DMD: variants seen among roughly 807,000 people sequenced by gnomAD.
The protein encoded by DMD is dystrophin.
A neutral mutation model predicts 330.1 loss-of-function variants in DMD; 63 were observed. That is an observed-to-expected ratio of 0.19 (90% CI 0.16 to 0.24). The LOEUF (loss-of-function observed/expected upper bound fraction) is 0.24. DMD is among the 10% of genes least tolerant of loss of function. DMD has a pLI of 1.00. For synonymous variants in DMD, 1,223 were observed against 959.8 expected (o/e 1.27, Z -5.07); for missense variants, 3,344 against 2,684.1 (o/e 1.25, Z -5.43).
chrX:33,131,903 A>T (rs1191063602), intron 1 of DMD, among the ~76,000 whole-genome samples: 1 of 112,339 alleles, frequency 8.9e-6, no homozygotes, highest in African/African-American at 3.2e-5. Context: ...GACATTTAAT[A>T]TATGCCCAGG....
chrX:31,774,575 T>A (rs1299192313), intron 50 of DMD, among the ~76,000 whole-genome samples: 1 of 103,604 alleles, frequency 9.7e-6, no homozygotes, highest in Admixed American at 1.0e-4. Flanking sequence ...ATTTTACTTA[T>A]TTTTTTTTTA....
intron 1 of DMD, among the ~76,000 whole-genome samples, chrX:33,022,552 A>T (rs1384026928): frequency 1.8e-5 from 2 of 110,388 alleles, no homozygotes; most frequent in East Asian, 5.6e-4. Context: ...AATAATTATT[A>T]ATACAATTAA....
rs187171077 is a variant in DMD, at chrX:33,177,261, G to A, written c.31+34021C>T. On this transcript the variant is annotated intron_variant, in intron 1 of 78. Coordinates refer to ENST00000357033, the MANE Select transcript of DMD (RefSeq NM_004006.3). ...CTGTGGGCAACAAGCACTCCCAGCAGCTAGGGGATGGGTGTGCTACCTGGT... is the reference window on the plus strand; with the variant it reads ...CTGTGGGCAACAAGCACTCCCAGCAACTAGGGGATGGGTGTGCTACCTGGT... 1.7e-3 allele frequency among the ~76,000 whole-genome samples: 194 copies of A among 112,637 alleles called. 2 individuals are homozygous for A. Among genetic ancestry groups the A allele is most frequent in the Admixed American group, 0.014 (149 of 10,718 alleles).
intron 2 of DMD, among the ~76,000 whole-genome samples, chrX:32,873,018 T>C (rs1218870467): frequency 3.6e-5 from 4 of 111,782 alleles, no homozygotes; most frequent in Non-Finnish European, 5.6e-5. Flanking sequence ...TCTCCTTCTC[T>C]CACTCACTGT....
intron 2 of DMD, among the ~76,000 whole-genome samples, chrX:33,010,474 A>C (rs760088344): frequency 2.7e-5 from 3 of 110,285 alleles, no homozygotes; most frequent in Admixed American, 2.0e-4. Flanking sequence ...GAGGGCTGAC[A>C]TGACACACAA....
At chrX:32,961,682 G>A (rs1172404152) in intron 2 of DMD, among the ~76,000 whole-genome samples, 1 of 111,330 alleles carries the variant, frequency 9.0e-6, no homozygotes, top group Middle Eastern at 4.2e-3. Flanking sequence ...TTATCACTGA[G>A]ATAATCTCAA....
At chrX:31,889,829 G>C (rs1443210305) in intron 47 of DMD, among the ~76,000 whole-genome samples, 2 of 110,009 alleles carry the variant, frequency 1.8e-5, no homozygotes, top group Admixed American at 9.8e-5. Flanking sequence ...AGAAATCTTT[G>C]ATCTTATTTG....
At chrX:32,556,940 A>G (rs1292397828) in intron 16 of DMD, among the ~76,000 whole-genome samples, 1 of 111,818 alleles carries the variant, frequency 8.9e-6, no homozygotes. Flanking sequence ...TTTTGCAAAT[A>G]CTAATACTTG....
chrX:32,249,311 C>T (rs1261697684), intron 43 of DMD, among the ~76,000 whole-genome samples: 1 of 111,747 alleles, frequency 8.9e-6, no homozygotes, highest in Admixed American at 9.6e-5. Context: ...TTCCTTAAAT[C>T]TAAATCTACT....
At chrX:31,451,093 A>G (rs1603011967) in intron 59 of DMD, among the ~76,000 whole-genome samples, 1 of 84,084 alleles carries the variant, frequency 1.2e-5, no homozygotes. Context: ...AAGCACTTAT[A>G]TTTTGTTTTT....
intron 11 of DMD, among the ~76,000 whole-genome samples, chrX:32,628,906 T>G (rs1036334665): frequency 9.8e-5 from 11 of 112,186 alleles, no homozygotes; most frequent in Non-Finnish European, 1.9e-4. Flanking sequence ...ATTTTTGAAT[T>G]TTCTAAGACT....
intron 30 of DMD, 65 bp downstream of exon 30, chrX:32,411,687 C>A (rs1375808960): frequency 1.8e-6 from 2 of 1,133,167 alleles, no homozygotes; most frequent in African/African-American, 1.8e-5. Flanking sequence ...AAGTTAGAAA[C>A]ACTGCAACAT....
At position 32,161,656 on chromosome X, in the gene DMD, T is replaced by C. The variant is rs139702591; in HGVS notation, c.6438+55260A>G. On this transcript the variant is annotated intron_variant, in intron 44 of 78. Coordinates refer to ENST00000357033, the MANE Select transcript of DMD (RefSeq NM_004006.3). ...AAATGCAAATTTATTTACATCACAG[T>C]AGTCACTAATATTTTTGAAAAGTTG... 5.6e-3 allele frequency among the ~76,000 whole-genome samples: 622 copies of C among 111,910 alleles called. 3 individuals carry two copies. The highest frequency in any genetic ancestry group is 8.7e-3 in the Non-Finnish European group (463 of 53,224).
At chrX:31,925,605 C>T (rs2094759699) in intron 47 of DMD, among the ~76,000 whole-genome samples, 1 of 111,436 alleles carries the variant, frequency 9.0e-6, no homozygotes, top group African/African-American at 3.3e-5. Flanking sequence ...GGTGCGGTGG[C>T]TCACGCCTGT....
At chrX:33,041,434 G>A (rs970932459) in intron 1 of DMD, 23 of 1,200,255 alleles carry the variant, frequency 1.9e-5, no homozygotes, top group Middle Eastern at 3.2e-4. Context: ...GATCAAGACC[G>A]GTGTGGTGAA....
intron 7 of DMD, among the ~76,000 whole-genome samples, chrX:32,806,302 A>G (rs762401689): frequency 9.0e-6 from 1 of 111,453 alleles, no homozygotes; most frequent in South Asian, 3.7e-4. Flanking sequence ...TTCTCTGATA[A>G]AATAGACTTT....
At chrX:31,555,571 C>T in intron 55 of DMD, among the ~76,000 whole-genome samples, 1 of 111,800 alleles carries the variant, frequency 8.9e-6, no homozygotes. Context: ...AAGTCTTCTG[C>T]CTGAGAATTA....
Position 31,968,518 on chromosome X carries a change from T to C in DMD, c.6439-4A>G, listed in dbSNP as rs1057523900. On this transcript the variant is annotated splice_polypyrimidine_tract_variant and splice_region_variant and intron_variant, in intron 44 of 78. Coordinates refer to ENST00000357033, the MANE Select transcript of DMD (RefSeq NM_004006.3). ...GCCCAATGCCATCCTGGAGTTCCTG[T>C]AAGATACCAAAAAGGCAAAACAAAA... is the stretch of plus-strand genomic sequence containing the variant. The C allele has an allele frequency of 9.1e-6, 11 of 1,208,253 alleles. No homozygotes were observed. Among genetic ancestry groups the C allele is most frequent in the Non-Finnish European group, 1.2e-5 (11 of 893,931 alleles).
rs2097271231 is a variant in DMD, at chrX:32,252,687, T to TATATATATAAATATATATAAAA, written c.6290+34841_6290+34842insTTTTATATATATTTATATATAT. 8.4e-5 allele frequency among the ~76,000 whole-genome samples: 3 copies of TATATATATAAATATATATAAAA among 35,520 alleles called. 1 individual carries two copies. In the South Asian group the frequency reaches 3.2e-3, roughly 38 times the overall value. 30.8% of individuals were successfully genotyped at this position (35,520 alleles called of 115,157 possible). ...AAATATATATATATAAATATATAAA[T>TATATATATAAATATATATAAAA]ATATATATAAATATATATAAATATA... is the stretch of plus-strand genomic sequence containing the variant. On this transcript the variant is annotated intron_variant, in intron 43 of 78. Coordinates refer to ENST00000357033, the MANE Select transcript of DMD (RefSeq NM_004006.3).
Sources: allele counts gnomAD v4.1 joint callset (sites outside exome capture counted in the v4.1 genomes callset), GRCh38; gene constraint gnomAD v4.1.1; transcripts MANE v1.5; gene names NCBI Gene and HGNC (gene_info 2026-07-23, HGNC 2026-07-21).